COL5A2: variants seen among roughly 807,000 people sequenced by gnomAD.
The protein encoded by COL5A2 is collagen type V alpha 2 chain.
Under a neutral mutation model 208.2 loss-of-function variants are expected in COL5A2, and 23 were observed. The ratio of observed to expected loss-of-function variants is 0.11; its 90% confidence interval spans 0.08 to 0.16. COL5A2 has a LOEUF of 0.16. COL5A2 is among the 10% of genes least tolerant of loss of function. COL5A2 has a pLI of 1.00. For missense variants in COL5A2, 1,590 were observed against 1,956.4 expected (o/e 0.81, Z 3.53); for synonymous variants, 625 against 628.5 (o/e 0.99, Z 0.08).
At chr2:189,165,943 T>C (rs1194005439) in intron 1 of COL5A2, among the ~76,000 whole-genome samples, 1 of 152,214 alleles carries the variant, frequency 6.6e-6, no homozygotes, top group Non-Finnish European at 1.5e-5. Context: ...TGACACAGTT[T>C]ATTTATTTAT....
At chr2:189,183,608 C>T (rs1417727228), upstream of COL5A2, among the ~76,000 whole-genome samples, 2 of 152,110 alleles carry the variant, frequency 1.3e-5, no homozygotes, top group African/African-American at 4.8e-5. Context: ...ACTACCACCA[C>T]CATCTTAGTC....
chr2:189,171,955 A>T (rs1200100711), intron 1 of COL5A2, among the ~76,000 whole-genome samples: 1 of 152,190 alleles, frequency 6.6e-6, no homozygotes, highest in Non-Finnish European at 1.5e-5. Flanking sequence ...TTCAGAGAGT[A>T]GCATTTTAGG....
intron 53 of COL5A2, 47 bp downstream of exon 53, chr2:189,034,869 T>C: frequency 6.2e-7 from 1 of 1,612,180 alleles, no homozygotes; most frequent in South Asian, 1.1e-5. Flanking sequence ...TTAACAAAAA[T>C]AATTTTTTTT....
chr2:189,411,581 T>C, the COL5A2 span, among the ~76,000 whole-genome samples: 1 of 152,180 alleles, frequency 6.6e-6, no homozygotes, highest in Admixed American at 6.5e-5. Flanking sequence ...ACTTTCAAAG[T>C]ATTTCACATA....
chr2:189,074,401 A>G (rs1362657822), intron 17 of COL5A2, among the ~76,000 whole-genome samples: 1 of 152,164 alleles, frequency 6.6e-6, no homozygotes, highest in Non-Finnish European at 1.5e-5. Flanking sequence ...GGTCTGAAGC[A>G]AAATACAATA....
the COL5A2 span, among the ~76,000 whole-genome samples, chr2:189,411,176 C>T: frequency 3.3e-5 from 5 of 152,068 alleles, no homozygotes; most frequent in African/African-American, 4.8e-5. Flanking sequence ...ATAATATTGA[C>T]GCCCAACTCC....
intron 1 of COL5A2, among the ~76,000 whole-genome samples, chr2:189,113,345 T>G (rs1473195795): frequency 6.6e-6 from 1 of 152,104 alleles, no homozygotes; most frequent in African/African-American, 2.4e-5. Flanking sequence ...GGAGGATGAT[T>G]TTAGCTCAGG....
chr2:189,377,333 A>T, the COL5A2 span, among the ~76,000 whole-genome samples: 11 of 152,296 alleles, frequency 7.2e-5, no homozygotes, highest in African/African-American at 2.6e-4. Context: ...ACAAGCTCAA[A>T]CATTTCACGC....
chr2:189,290,822 T>C, the COL5A2 span, among the ~76,000 whole-genome samples: 2 of 151,044 alleles, frequency 1.3e-5, no homozygotes, highest in Non-Finnish European at 2.9e-5. Flanking sequence ...ACATAACAAA[T>C]ATGTGAATGG....
chr2:189,405,695 C>T, the COL5A2 span, among the ~76,000 whole-genome samples: 1 of 152,244 alleles, frequency 6.6e-6, no homozygotes, highest in African/African-American at 2.4e-5. Flanking sequence ...TAAAACTGTG[C>T]TAAATCAAAA....
At chr2:189,246,723 C>A in the COL5A2 span, among the ~76,000 whole-genome samples, 2 of 152,174 alleles carry the variant, frequency 1.3e-5, no homozygotes, top group Admixed American at 6.5e-5. Flanking sequence ...AATGGGCATA[C>A]AGAGAGCAGG....
chr2:189,426,911 G>A, the COL5A2 span, among the ~76,000 whole-genome samples: 2 of 152,228 alleles, frequency 1.3e-5, no homozygotes, highest in African/African-American at 4.8e-5. Context: ...TAAAAGGGAA[G>A]CAAAGTGTAA....
chr2:189,096,897 C>A (rs951080970), intron 6 of COL5A2, among the ~76,000 whole-genome samples: 27 of 152,090 alleles, frequency 1.8e-4, no homozygotes, highest in African/African-American at 6.0e-4. Context: ...ACTTGTTGTG[C>A]AACCACTTGA....
chr2:189,254,082 G>A, the COL5A2 span, among the ~76,000 whole-genome samples: 5 of 152,188 alleles, frequency 3.3e-5, no homozygotes, highest in African/African-American at 1.2e-4. Flanking sequence ...CATCATCCTG[G>A]AACCTGTAGT....
chr2:189,229,961 A>G (rs1323167433), upstream of COL5A2, among the ~76,000 whole-genome samples: 11 of 151,986 alleles, frequency 7.2e-5, no homozygotes, highest in Middle Eastern at 3.4e-3. Context: ...TAATCAATAG[A>G]GTATGGTACT....
At chr2:189,105,553 T>C (rs1240113784) in intron 2 of COL5A2, among the ~76,000 whole-genome samples, 1 of 151,536 alleles carries the variant, frequency 6.6e-6, no homozygotes, top group Non-Finnish European at 1.5e-5. Context: ...ATTAGGTTAT[T>C]GATATTTTAA....
the COL5A2 span, among the ~76,000 whole-genome samples, chr2:189,298,611 G>A: frequency 6.6e-6 from 1 of 152,160 alleles, no homozygotes; most frequent in Non-Finnish European, 1.5e-5. Flanking sequence ...CTCATTCATT[G>A]AAATAGACCA....
At chr2:189,331,295 C>T in the COL5A2 span, among the ~76,000 whole-genome samples, 11 of 152,238 alleles carry the variant, frequency 7.2e-5, no homozygotes, top group Admixed American at 2.6e-4. Context: ...CTTTGGGAGG[C>T]AGAGGCAGAT....
the COL5A2 span, among the ~76,000 whole-genome samples, chr2:189,375,869 A>G: frequency 3.9e-5 from 6 of 152,254 alleles, no homozygotes; most frequent in Non-Finnish European, 8.8e-5. Context: ...AGAGATCAGA[A>G]TAGTGGAAAG....
Sources: gnomAD v4.1 joint callset for allele counts (sites outside exome capture counted in the v4.1 genomes callset) on GRCh38, gnomAD v4.1.1 for gene constraint, MANE v1.5 for transcripts, NCBI Gene and HGNC (gene_info 2026-07-23, HGNC 2026-07-21) for gene names.